EYA2: variants seen among roughly 807,000 people sequenced by gnomAD.
The protein encoded by EYA2 is protein phosphatase EYA2.
A neutral mutation model predicts 69.2 loss-of-function variants in EYA2; 31 were observed. The ratio of observed to expected loss-of-function variants is 0.45; its 90% CI spans 0.34 to 0.60. The LOEUF (loss-of-function observed/expected upper bound fraction) is 0.60, where lower values mean the gene tolerates loss of function less well. EYA2 is among the 20% of genes least tolerant of loss of function. The pLI is 0.02. For synonymous variants in EYA2, 257 were observed against 279.4 expected (o/e 0.92, Z 0.80); for missense variants, 622 against 701.2 (o/e 0.89, Z 1.28).
chr20:46,951,637 T>A (rs3092732), intron 1 of EYA2, among the ~76,000 whole-genome samples: 68,189 of 152,026 alleles, frequency 0.45, 15,818 homozygotes, highest in African/African-American at 0.54. Flanking sequence ...ATAAAACCAC[T>A]CTCAGGCGTC....
At chr20:47,108,486 A>G (rs932410293) in intron 9 of EYA2, among the ~76,000 whole-genome samples, 1 of 152,226 alleles carries the variant, frequency 6.6e-6, no homozygotes, top group Non-Finnish European at 1.5e-5. Context: ...TCTTTTCTTT[A>G]TCAATTCCCT....
At chr20:47,097,196 C>CTTTTTTTTTTTT (rs569031055) in intron 9 of EYA2, 28 bp downstream of exon 9, 1 of 1,528,702 alleles carries the variant, frequency 6.5e-7, no homozygotes, top group Non-Finnish European at 9.0e-7. Flanking sequence ...CTCTCTCTCT[C>CTTTTTTTTTTTT]TTTTTTTGTT....
At chr20:46,912,947 G>T (rs981939719) in intron 1 of EYA2, among the ~76,000 whole-genome samples, 1 of 151,692 alleles carries the variant, frequency 6.6e-6, no homozygotes, top group Non-Finnish European at 1.5e-5. Flanking sequence ...TGATCCACCC[G>T]CCTCGGCCTC....
intron 9 of EYA2, among the ~76,000 whole-genome samples, chr20:47,138,149 C>A (rs1206834): frequency 0.034 from 5,174 of 151,416 alleles, 228 homozygotes; most frequent in East Asian, 0.16. Flanking sequence ...TAATAATAAA[C>A]TAAAAATTAA....
At chr20:47,022,312 TAATTA>T (rs1983803311) in intron 5 of EYA2, among the ~76,000 whole-genome samples, 2 of 152,306 alleles carry the variant, frequency 1.3e-5, no homozygotes, top group Admixed American at 1.3e-4. Context: ...TCCTGTGTTT[TAATTA>T]AATTGTTTCT....
intron 10 of EYA2, among the ~76,000 whole-genome samples, chr20:47,166,250 A>G (rs2034182700): frequency 1.3e-5 from 2 of 151,778 alleles, no homozygotes; most frequent in South Asian, 4.2e-4. Context: ...AAATACAAAA[A>G]TTAGCTAGGC....
chr20:47,131,210 C>A (rs977437185), intron 9 of EYA2, among the ~76,000 whole-genome samples: 1 of 152,200 alleles, frequency 6.6e-6, no homozygotes, highest in Non-Finnish European at 1.5e-5. Context: ...ATGAAAGTCA[C>A]ATGGGTTGTG....
intron 1 of EYA2, among the ~76,000 whole-genome samples, chr20:46,948,013 A>T (rs1978566751): frequency 6.6e-6 from 1 of 150,384 alleles, no homozygotes; most frequent in Admixed American, 6.7e-5. Context: ...GCCACTCAGG[A>T]GGCTGATGTG....
chr20:46,936,466 G>A (rs1227256974), intron 1 of EYA2, among the ~76,000 whole-genome samples: 4 of 152,024 alleles, frequency 2.6e-5, no homozygotes, highest in African/African-American at 9.7e-5. Context: ...GCAAGAATCC[G>A]TCTCAATAAA....
chr20:47,182,999 C>T (rs538030586), intron 14 of EYA2, among the ~76,000 whole-genome samples: 1 of 152,316 alleles, frequency 6.6e-6, no homozygotes, highest in African/African-American at 2.4e-5. Context: ...TCCATTGCCA[C>T]TTCTACATCG....
Position 47,041,012 on chromosome 20 carries a change from T to C in EYA2, c.415+24715T>C, listed in dbSNP as rs1600663236. On this transcript the variant is annotated intron_variant, in intron 5 of 15. Coordinates refer to ENST00000327619, the MANE Select transcript of EYA2 (RefSeq NM_005244.5). Reference sequence around the variant, plus strand: ...AGGGGGCCAGAAGCACCCTGTGGGGTCCCAGCAGGTAAGGAGCTTAGGCCT... The same window carrying C: ...AGGGGGCCAGAAGCACCCTGTGGGGCCCCAGCAGGTAAGGAGCTTAGGCCT... Among the ~76,000 whole-genome samples, 3 of 152,158 alleles carry C rather than the reference T, an allele frequency of 2.0e-5. No individual in the cohort carries two copies. The South Asian group carries it at 6.2e-4, about 32-fold the overall frequency.
intron 7 of EYA2, among the ~76,000 whole-genome samples, chr20:47,075,823 C>T (rs1287162004): frequency 6.6e-6 from 1 of 152,178 alleles, no homozygotes; most frequent in Non-Finnish European, 1.5e-5. Flanking sequence ...ACAATACCCA[C>T]TAGGTAGTTT....
chr20:47,180,802 C>T lies in EYA2; in HGVS notation c.1314-13C>T, dbSNP rs1600777074. On this transcript the variant is annotated splice_polypyrimidine_tract_variant and intron_variant, in intron 13 of 15. Transcript: ENST00000327619. ...CCCTCTGAGTTCTGATCCACAGTCT[C>T]CTTTGTCCTTAGGCCCAACTGTGTC... 2 of 1,613,450 alleles carry T rather than the reference C, an allele frequency of 1.2e-6. No individual in the cohort carries two copies. The highest frequency in any genetic ancestry group is 8.5e-7 in the Non-Finnish European group (1 of 1,179,646).
chr20:46,911,171 G>C (rs1322626871), intron 1 of EYA2, among the ~76,000 whole-genome samples: 2 of 152,178 alleles, frequency 1.3e-5, no homozygotes, highest in Non-Finnish European at 2.9e-5. Flanking sequence ...GAAAGCATCT[G>C]TCTTCAGGTA....
intron 7 of EYA2, among the ~76,000 whole-genome samples, chr20:47,088,191 G>A (rs766505598): frequency 2.6e-5 from 4 of 152,154 alleles, no homozygotes; most frequent in East Asian, 1.9e-4. Context: ...CCGGGATCAC[G>A]CCATTGCACT....
chr20:47,125,306 C>T (rs1293350984), intron 9 of EYA2, among the ~76,000 whole-genome samples: 15 of 152,020 alleles, frequency 9.9e-5, no homozygotes, highest in Admixed American at 9.2e-4. Flanking sequence ...CCGCCCGCCT[C>T]GGCCTCCCAA....
intron 9 of EYA2, among the ~76,000 whole-genome samples, chr20:47,129,047 C>G (rs2033268466): frequency 6.6e-6 from 1 of 152,090 alleles, no homozygotes; most frequent in African/African-American, 2.4e-5. Context: ...TCACCTGAAC[C>G]CAGGAGGCGG....
intron 4 of EYA2, among the ~76,000 whole-genome samples, chr20:47,009,206 C>CACAT (rs1982910846): frequency 1.3e-5 from 2 of 152,144 alleles, no homozygotes; most frequent in South Asian, 4.1e-4. Context: ...CACACACATA[C>CACAT]ACACACACAG....
At chr20:47,100,962 C>T (rs1036899239) in intron 9 of EYA2, among the ~76,000 whole-genome samples, 8 of 152,252 alleles carry the variant, frequency 5.3e-5, no homozygotes, top group African/African-American at 1.9e-4. Context: ...GTGTCACCAG[C>T]ATTGGCAAGA....
Sources: allele counts gnomAD v4.1 joint callset (sites outside exome capture counted in the v4.1 genomes callset), GRCh38; gene constraint gnomAD v4.1.1; transcripts MANE v1.5; gene names NCBI Gene and HGNC (gene_info 2026-07-23, HGNC 2026-07-21).